The following ILDR1 variants were observed in gnomAD, a reference collection of about 807,000 sequenced individuals.
ILDR1 encodes immunoglobulin-like domain-containing receptor 1.
A neutral mutation model predicts 62.4 loss-of-function variants in ILDR1; 56 were observed. The observed-to-expected ratio is 0.90, with a 90% CI of 0.72 to 1.12. The LOEUF (loss-of-function observed/expected upper bound fraction) is 1.12, where lower values mean the gene tolerates loss of function less well. Among genes scored for constraint, ILDR1 ranks in the 50% most tolerant of loss-of-function variants. The pLI, the probability that ILDR1 is intolerant of heterozygous loss-of-function variation, is 0.00. For synonymous variants in ILDR1, 284 were observed against 277.8 expected, an observed-to-expected ratio of 1.02 and a Z score of -0.22; for missense variants, 736 against 710.6, an observed-to-expected ratio of 1.04 and a Z score of -0.41.
chr3:122,046,446 C>T, the ILDR1 span, among the ~76,000 whole-genome samples: 3 of 142,394 alleles, frequency 2.1e-5, no homozygotes, highest in Admixed American at 7.0e-5. Context: ...TCTGTATTTC[C>T]TGAATCTGAA....
At chr3:122,059,930 G>A in the ILDR1 span, among the ~76,000 whole-genome samples, 12 of 152,070 alleles carry the variant, frequency 7.9e-5, no homozygotes, top group East Asian at 1.9e-4. Context: ...AGAAAGGCTC[G>A]CAACAGATTC....
chr3:122,014,236 AG>A (rs1396653558), intron 1 of ILDR1, among the ~76,000 whole-genome samples: 1 of 152,182 alleles, frequency 6.6e-6, no homozygotes, highest in African/African-American at 2.4e-5. Flanking sequence ...CAAACAGTGG[AG>A]GGGGTATCAA....
chr3:122,001,385 C>G lies in ILDR1; in HGVS notation c.569G>C (p.Cys190Ser). The change falls in exon 5 of 8, where the codon TGC (cysteine) becomes TCC (serine). Residue 190 changes from cysteine to serine, a missense_variant. Cys to Ser is a moderately radical substitution (Grantham distance 112, BLOSUM62 -1). Transcript: ENST00000344209. Reference protein sequence around the residue: ...LLLLLIGVCWCQCCPQYCCCY... With the variant: ...LLLLLIGVCWSQCCPQYCCCY... ...GCAGCAATACTGAGGACAGCACTGG[C>G]ACCAGCACACTCCAATCAGCAGCAG... 1 of 1,614,100 alleles carries G rather than the reference C, an allele frequency of 6.2e-7. No homozygotes were observed. Among genetic ancestry groups the G allele is most frequent in the Non-Finnish European group, 8.5e-7 (1 of 1,180,016 alleles).
At chr3:122,055,423 G>T in the ILDR1 span, 1 of 1,511,886 alleles carries the variant, frequency 6.6e-7, no homozygotes, top group South Asian at 1.1e-5. Flanking sequence ...CTGTAACAGG[G>T]ACTAGCACAG....
In ILDR1 at chr3:122,005,405, G is replaced by A. The variant is rs1458470225; in HGVS notation, c.230-12C>T. ...AGCTGCCTGGTATGCTGAGGAGAGA[G>A]GGCACACTAGAGTCACACAGCAATA... is the stretch of plus-strand genomic sequence containing the variant. On this transcript the variant is annotated splice_polypyrimidine_tract_variant and intron_variant, in intron 2 of 7. Transcript: ENST00000344209. 1.2e-6 allele frequency: 2 copies of A among 1,614,102 alleles called. No homozygotes were observed. Among genetic ancestry groups the A allele is most frequent in the East Asian group, 2.2e-5 (1 of 44,876 alleles).
chr3:122,058,176 A>G, the ILDR1 span, among the ~76,000 whole-genome samples: 3 of 152,224 alleles, frequency 2.0e-5, no homozygotes, highest in African/African-American at 7.2e-5. Flanking sequence ...TTTGTCCAAG[A>G]TTATACAACC....
the ILDR1 span, among the ~76,000 whole-genome samples, chr3:122,029,567 G>A: frequency 6.7e-6 from 1 of 149,396 alleles, no homozygotes; most frequent in East Asian, 1.9e-4. Flanking sequence ...CTTAAATGTT[G>A]TTACTCCTGA....
chr3:122,036,117 G>A, the ILDR1 span, among the ~76,000 whole-genome samples: 1 of 152,186 alleles, frequency 6.6e-6, no homozygotes, highest in East Asian at 1.9e-4. Flanking sequence ...GAAACTGGTG[G>A]CATTTTGCTT....
intron 1 of ILDR1, among the ~76,000 whole-genome samples, chr3:122,011,593 C>T (rs1040923622): frequency 2.7e-5 from 4 of 150,284 alleles, no homozygotes; most frequent in African/African-American, 9.8e-5. Flanking sequence ...CAGGGGTCTG[C>T]CAGCCAGCCC....
chr3:122,011,641 G>T (rs1024460988), intron 1 of ILDR1, among the ~76,000 whole-genome samples: 1 of 94,688 alleles, frequency 1.1e-5, no homozygotes, highest in African/African-American at 4.1e-5. Context: ...TCCACCCCCT[G>T]CCCTGTCTCT....
At chr3:122,045,366 G>A in the ILDR1 span, among the ~76,000 whole-genome samples, 5 of 151,184 alleles carry the variant, frequency 3.3e-5, no homozygotes, top group East Asian at 9.7e-4. Context: ...AATAGGTGTG[G>A]TGTGGTGCTG....
At chr3:122,006,799 C>T (rs774352677) in intron 2 of ILDR1, among the ~76,000 whole-genome samples, 192 bp downstream of exon 2, 17 of 152,004 alleles carry the variant, frequency 1.1e-4, no homozygotes, top group Non-Finnish European at 2.1e-4. Context: ...TAGTATGTGA[C>T]CTTGAATACA....
chr3:122,056,638 C>T, the ILDR1 span, among the ~76,000 whole-genome samples: 1 of 152,142 alleles, frequency 6.6e-6, no homozygotes, highest in Non-Finnish European at 1.5e-5. Flanking sequence ...CCGGCCGTCA[C>T]TATGTATTTA....
Position 121,994,329 on chromosome 3 carries a change from G to T in ILDR1, c.647-16C>A. Reference sequence around the variant, plus strand: ...CGGGCCAGGGCTGCAGGGAAAGAAGGAGAAATGCAGGCCCTCAGCCAGGGC... The same window carrying T: ...CGGGCCAGGGCTGCAGGGAAAGAAGTAGAAATGCAGGCCCTCAGCCAGGGC... On this transcript the variant is annotated splice_polypyrimidine_tract_variant and intron_variant, in intron 5 of 7. Coordinates refer to ENST00000344209, the MANE Select transcript of ILDR1 (RefSeq NM_001199799.2). 1 of 1,528,432 alleles carries T rather than the reference G, an allele frequency of 6.5e-7. No individual in the cohort carries two copies. The highest frequency in any genetic ancestry group is 1.2e-5 in the South Asian group (1 of 83,696). The allele number at this position is 1,528,432 out of a possible 1,614,324, so 94.7% of individuals were successfully genotyped here.
At chr3:122,045,544 T>C in the ILDR1 span, among the ~76,000 whole-genome samples, 2 of 150,074 alleles carry the variant, frequency 1.3e-5, no homozygotes, top group African/African-American at 2.4e-5. Flanking sequence ...TATTAATGTG[T>C]GGGAGTCTAA....
chr3:122,020,858 C>G (rs2071844730), intron 1 of ILDR1, among the ~76,000 whole-genome samples: 3 of 152,150 alleles, frequency 2.0e-5, no homozygotes, highest in Non-Finnish European at 4.4e-5. Flanking sequence ...TGTAGAAAAT[C>G]TTGTAAGCCA....
the ILDR1 span, among the ~76,000 whole-genome samples, chr3:122,045,586 A>C: frequency 6.7e-6 from 1 of 149,488 alleles, no homozygotes; most frequent in African/African-American, 2.4e-5. Context: ...GACTTGCTTT[A>C]TGAATCTGGG....
At chr3:122,038,331 A>C in the ILDR1 span, among the ~76,000 whole-genome samples, 1 of 152,210 alleles carries the variant, frequency 6.6e-6, no homozygotes. Context: ...CCAAGTGGGG[A>C]GCAGACATTT....
the ILDR1 span, among the ~76,000 whole-genome samples, chr3:122,037,402 A>G: frequency 0.55 from 83,490 of 152,152 alleles, 23,937 homozygotes; most frequent in African/African-American, 0.7. Flanking sequence ...GTGTGCCATG[A>G]GTGTGAGACA....
Sources: allele counts gnomAD v4.1 joint callset (sites outside exome capture counted in the v4.1 genomes callset), GRCh38; gene constraint gnomAD v4.1.1; transcripts MANE v1.5; gene names NCBI Gene and HGNC (gene_info 2026-07-23, HGNC 2026-07-21).